The following KCNN2 variants were observed in gnomAD, a reference collection of about 807,000 sequenced individuals.
KCNN2 encodes the protein potassium calcium-activated channel subfamily N member 2.
A neutral mutation model predicts 55.5 loss-of-function variants in KCNN2; 24 were observed. The ratio of observed to expected loss-of-function variants is 0.43; its 90% CI spans 0.31 to 0.61. The LOEUF (loss-of-function observed/expected upper bound fraction) is 0.61. Ranked by LOEUF, KCNN2 falls within the 20% of genes least tolerant of loss-of-function variation. The pLI, the probability that KCNN2 is intolerant of heterozygous loss-of-function variation, is 0.08. For missense variants in KCNN2, 754 were observed against 853.6 expected (o/e 0.88, Z 1.45); for synonymous variants, 431 against 336.1 (o/e 1.28, Z -3.09).
At chr5:114,187,742 G>A (rs566013813) in intron 1 of KCNN2, among the ~76,000 whole-genome samples, 4 of 151,702 alleles carry the variant, frequency 2.6e-5, no homozygotes, top group Admixed American at 2.6e-4. Flanking sequence ...TCCTGACCTC[G>A]AGATCCACCC....
chr5:114,293,661 G>C (rs188679954), intron 2 of KCNN2, among the ~76,000 whole-genome samples: 1 of 152,050 alleles, frequency 6.6e-6, no homozygotes, highest in African/African-American at 2.4e-5. Flanking sequence ...CTCTTTTTTT[G>C]TTGTGTCTCT....
chr5:114,287,955 A>G (rs1561556187), intron 2 of KCNN2, among the ~76,000 whole-genome samples: 2 of 152,204 alleles, frequency 1.3e-5, no homozygotes. Context: ...GTAATGGTGC[A>G]CAGAGATTAA....
intron 1 of KCNN2, among the ~76,000 whole-genome samples, chr5:114,171,731 G>A (rs2112543488): frequency 6.8e-6 from 1 of 147,966 alleles, no homozygotes; most frequent in African/African-American, 2.5e-5. Flanking sequence ...TTCCCTTGAT[G>A]CCTAACCCTA....
At chr5:114,294,599 T>G (rs1187040251) in intron 2 of KCNN2, among the ~76,000 whole-genome samples, 1 of 151,392 alleles carries the variant, frequency 6.6e-6, no homozygotes, top group Non-Finnish European at 1.5e-5. Flanking sequence ...TGCTGAGGAG[T>G]GCTTTACTTC....
At chr5:114,101,362 A>G (rs1051415365) in intron 1 of KCNN2, among the ~76,000 whole-genome samples, 1 of 149,732 alleles carries the variant, frequency 6.7e-6, no homozygotes, top group African/African-American at 2.5e-5. Context: ...TCACATCTCT[A>G]GGTGGCGCCA....
chr5:114,204,105 T>C (rs776202356), intron 1 of KCNN2, among the ~76,000 whole-genome samples: 33 of 152,136 alleles, frequency 2.2e-4, no homozygotes, highest in Admixed American at 1.1e-3. Context: ...TTTAGCATTC[T>C]AGATGAAGTT....
intron 2 of KCNN2, among the ~76,000 whole-genome samples, chr5:114,242,199 G>A (rs1036057226): frequency 7.9e-5 from 12 of 152,000 alleles, no homozygotes; most frequent in African/African-American, 2.9e-4. Flanking sequence ...TGCTTTCCAT[G>A]GCTGCTCTCT....
intron 3 of KCNN2, among the ~76,000 whole-genome samples, chr5:114,443,221 G>C (rs554583819): frequency 4.8e-4 from 73 of 152,018 alleles, no homozygotes; most frequent in Non-Finnish European, 9.1e-4. Context: ...AACGCAGGAG[G>C]GGGAGGTTGC....
intron 1 of KCNN2, among the ~76,000 whole-genome samples, chr5:114,203,373 C>A (rs987997547): frequency 6.6e-6 from 1 of 152,150 alleles, no homozygotes; most frequent in African/African-American, 2.4e-5. Context: ...GCGGGATGCT[C>A]ACAATCTCAT....
At chr5:114,200,830 A>G (rs1753660173) in intron 1 of KCNN2, among the ~76,000 whole-genome samples, 1 of 151,926 alleles carries the variant, frequency 6.6e-6, no homozygotes, top group African/African-American at 2.4e-5. Flanking sequence ...GAAAATGGTT[A>G]TTAGTTCAGG....
intron 2 of KCNN2, among the ~76,000 whole-genome samples, chr5:114,392,013 T>G (rs773016670): frequency 5.3e-5 from 8 of 152,268 alleles, no homozygotes; most frequent in Non-Finnish European, 5.9e-5. Context: ...AGCAAAGATA[T>G]TCTACTAAGT....
intron 3 of KCNN2, among the ~76,000 whole-genome samples, chr5:114,412,045 G>A (rs1759151825): frequency 6.6e-6 from 1 of 152,166 alleles, no homozygotes; most frequent in Non-Finnish European, 1.5e-5. Flanking sequence ...GTTGCTAAGG[G>A]AAAGCTCCTG....
intron 1 of KCNN2, among the ~76,000 whole-genome samples, chr5:114,096,536 C>G (rs1015871821): frequency 7.2e-5 from 11 of 152,174 alleles, no homozygotes; most frequent in African/African-American, 2.6e-4. Flanking sequence ...TTCTCCTCTC[C>G]TGTCTCTGTC....
At chr5:114,214,193 G>A (rs561767602) in intron 1 of KCNN2, among the ~76,000 whole-genome samples, 19 of 151,936 alleles carry the variant, frequency 1.3e-4, no homozygotes, top group East Asian at 1.9e-4. Context: ...AAATAGCTTC[G>A]TATGCCATAC....
intron 1 of KCNN2, among the ~76,000 whole-genome samples, chr5:114,169,493 C>G (rs72797662): frequency 1.3e-3 from 192 of 152,186 alleles, no homozygotes; most frequent in Non-Finnish European, 2.1e-3. Flanking sequence ...GAAGCAGAGA[C>G]AAGTGGGAGA....
chr5:114,179,341 C>T (rs1421295591), intron 1 of KCNN2, among the ~76,000 whole-genome samples: 3 of 152,190 alleles, frequency 2.0e-5, no homozygotes, highest in Non-Finnish European at 4.4e-5. Flanking sequence ...AGTTCCTTTC[C>T]ACATGTGCTT....
At chr5:114,260,483 G>A (rs761149376) in intron 2 of KCNN2, among the ~76,000 whole-genome samples, 1 of 152,002 alleles carries the variant, frequency 6.6e-6, no homozygotes, top group African/African-American at 2.4e-5. Context: ...ATTTGTTTGC[G>A]TGTATGTAAA....
rs1415415353 is a variant in KCNN2, at chr5:114,496,271, C to T, written c.*89C>T. The T allele has an allele frequency of 5.8e-6, 8 of 1,368,288 alleles. No homozygotes were observed. The highest frequency in any genetic ancestry group is 1.9e-4 in the Middle Eastern group (1 of 5,342). The allele number at this position is 1,368,288 out of a possible 1,614,324, so 84.8% of individuals were successfully genotyped here. A position where few individuals can be genotyped will look rare whatever the true frequency, so the allele number is the denominator to read the frequency against. On this transcript the variant is annotated 3_prime_UTR_variant, in exon 8 of 8. Coordinates refer to ENST00000673685, the MANE Select transcript of KCNN2 (RefSeq NM_021614.4). ...ATTGTAAAGCCCCTATGGTTCTAATCAGCGTTATCCGGGTTCTGATGTCAG... is the reference window on the plus strand; with the variant it reads ...ATTGTAAAGCCCCTATGGTTCTAATTAGCGTTATCCGGGTTCTGATGTCAG...
chr5:114,380,990 C>T (rs1031759994), intron 2 of KCNN2, among the ~76,000 whole-genome samples: 1 of 152,112 alleles, frequency 6.6e-6, no homozygotes, highest in Non-Finnish European at 1.5e-5. Flanking sequence ...ACATCTTGTG[C>T]GTCATGGCCA....
Sources: gnomAD v4.1 joint callset for allele counts (sites outside exome capture counted in the v4.1 genomes callset) on GRCh38, gnomAD v4.1.1 for gene constraint, MANE v1.5 for transcripts, NCBI Gene and HGNC (gene_info 2026-07-23, HGNC 2026-07-21) for gene names.